The following PEAK1 variants were observed in gnomAD, a reference collection of about 807,000 sequenced individuals.
PEAK1 encodes the protein inactive tyrosine-protein kinase PEAK1.
Under a neutral mutation model 124.7 loss-of-function variants are expected in PEAK1, and 54 were observed. That is an observed-to-expected ratio of 0.43 (90% CI 0.35 to 0.54). The LOEUF is 0.54. PEAK1 is among the 20% of genes least tolerant of loss of function. The pLI is 0.01. For synonymous variants in PEAK1, 719 were observed against 760.0 expected (o/e 0.95, Z 0.89); for missense variants, 2,046 against 2,134.5 (o/e 0.96, Z 0.82).
chr15:77,132,006 C>T (rs749199068), intron 9 of PEAK1, among the ~76,000 whole-genome samples: 2 of 152,118 alleles, frequency 1.3e-5, no homozygotes, highest in Admixed American at 1.3e-4. Context: ...AAAAAAAAGA[C>T]AGAAACATGC....
chr15:77,148,406 C>G (rs142889564), intron 8 of PEAK1, among the ~76,000 whole-genome samples: 2 of 152,122 alleles, frequency 1.3e-5, no homozygotes, highest in Admixed American at 6.5e-5. Context: ...ACTGGATCTG[C>G]ACAGCTGTCA....
intron 2 of PEAK1, among the ~76,000 whole-genome samples, chr15:77,296,217 G>A (rs2063479002): frequency 6.6e-6 from 1 of 152,166 alleles, no homozygotes; most frequent in Non-Finnish European, 1.5e-5. Context: ...TTTGGCTCAT[G>A]AATTACCCTT....
chr15:77,274,103 C>T (rs1380107287), intron 5 of PEAK1, among the ~76,000 whole-genome samples: 1 of 152,090 alleles, frequency 6.6e-6, no homozygotes, highest in Non-Finnish European at 1.5e-5. Context: ...ATCCTCATCT[C>T]TCACCTTATA....
In PEAK1 at chr15:77,283,895, G is replaced by A; in HGVS notation, c.-287C>T. 3 of 981,182 alleles carry A rather than the reference G, an allele frequency of 3.1e-6. No homozygotes were observed. Among genetic ancestry groups the A allele is most frequent in the Non-Finnish European group, 3.6e-6 (3 of 826,108 alleles). The allele number at this position is 981,182 out of a possible 1,614,324, so 60.8% of individuals were successfully genotyped here. A position where few individuals can be genotyped will look rare whatever the true frequency, so the allele number is the denominator to read the frequency against. On this transcript the variant is annotated 5_prime_UTR_variant, in exon 5 of 10. Transcript: ENST00000682557. ...GCCACTTCCTTACCTCTTTGTTACT[G>A]TTATTTATATAGCTGTAGTCATTAC... is the stretch of plus-strand genomic sequence containing the variant.
chr15:77,373,437 A>G (rs1170183220), intron 1 of PEAK1, among the ~76,000 whole-genome samples: 1 of 151,910 alleles, frequency 6.6e-6, no homozygotes, highest in Admixed American at 6.5e-5. Context: ...CAATGACTGA[A>G]CACCTCTTGG....
intron 8 of PEAK1, among the ~76,000 whole-genome samples, chr15:77,134,321 G>A (rs1420711795): frequency 6.6e-6 from 1 of 152,128 alleles, no homozygotes; most frequent in East Asian, 1.9e-4. Context: ...AATTTCAAAA[G>A]CCATGCTATT....
In PEAK1 at chr15:77,139,814, T is replaced by C. The variant is rs571130805; in HGVS notation, c.3332-6064A>G. Among the ~76,000 whole-genome samples, 119 of 151,820 alleles carry C rather than the reference T, an allele frequency of 7.8e-4. 1 individual carries two copies. The highest frequency in any genetic ancestry group is 9.6e-4 in the Non-Finnish European group (65 of 67,968). Reference sequence around the variant, plus strand: ...ACAACAACACACATATATATACACATATAATATATATATAAATTGTGTCTA... The same window carrying C: ...ACAACAACACACATATATATACACACATAATATATATATAAATTGTGTCTA... On this transcript the variant is annotated intron_variant, in intron 8 of 9. Transcript: ENST00000682557.
At chr15:77,268,305 T>C (rs1165666620) in intron 5 of PEAK1, among the ~76,000 whole-genome samples, 1 of 152,110 alleles carries the variant, frequency 6.6e-6, no homozygotes, top group African/African-American at 2.4e-5. Flanking sequence ...TGAAACCCCA[T>C]CTCTCCTAAA....
intron 5 of PEAK1, among the ~76,000 whole-genome samples, chr15:77,263,641 A>C (rs1356569449): frequency 6.6e-6 from 1 of 152,198 alleles, no homozygotes; most frequent in Non-Finnish European, 1.5e-5. Flanking sequence ...AAAGGCCAGG[A>C]CCAGATGGAT....
intron 7 of PEAK1, among the ~76,000 whole-genome samples, chr15:77,166,432 G>C (rs1279801053): frequency 6.6e-6 from 1 of 152,164 alleles, no homozygotes; most frequent in Non-Finnish European, 1.5e-5. Context: ...GTGATTCTTT[G>C]TTGTGGAGGG....
At chr15:77,150,934 C>G (rs2054571934) in intron 8 of PEAK1, among the ~76,000 whole-genome samples, 1 of 152,048 alleles carries the variant, frequency 6.6e-6, no homozygotes, top group African/African-American at 2.4e-5. Flanking sequence ...TGGGTTGGTT[C>G]CAAGTCTTTG....
intron 2 of PEAK1, among the ~76,000 whole-genome samples, chr15:77,313,656 G>GTA (rs2064639349): frequency 2.1e-5 from 2 of 93,160 alleles, no homozygotes; most frequent in African/African-American, 6.7e-5. Flanking sequence ...GTATGTATGT[G>GTA]TGTGTGTGTG....
At chr15:77,402,452 C>A in intron 1 of PEAK1, 1 of 984,784 alleles carries the variant, frequency 1.0e-6, no homozygotes, top group Non-Finnish European at 1.2e-6. Flanking sequence ...CACTGCATAT[C>A]TTTTAGTAAT....
Position 77,224,274 on chromosome 15 carries a change from G to A in PEAK1, c.-115+28093C>T, listed in dbSNP as rs117179734. ...ATTCTTAACATTCCATAACAAAAAGGGCTGAAAAAAGGTTGGTTCACACAG... is the reference window on the plus strand; with the variant it reads ...ATTCTTAACATTCCATAACAAAAAGAGCTGAAAAAAGGTTGGTTCACACAG... On this transcript the variant is annotated intron_variant, in intron 6 of 9. Transcript: ENST00000682557. Among the ~76,000 whole-genome samples the A allele has an allele frequency of 5.9e-5, 9 of 151,650 alleles. No individual in the cohort carries two copies. The South Asian group carries it at 6.2e-4, about 11-fold the overall frequency.
chr15:77,280,157 A>G (rs1173542970), intron 5 of PEAK1, among the ~76,000 whole-genome samples: 1 of 152,156 alleles, frequency 6.6e-6, no homozygotes, highest in Non-Finnish European at 1.5e-5. Flanking sequence ...CCTGGCCAAC[A>G]TGGTGAAATC....
chr15:77,223,954 T>C (rs1010508918), intron 6 of PEAK1, among the ~76,000 whole-genome samples: 1 of 150,492 alleles, frequency 6.6e-6, no homozygotes, highest in Non-Finnish European at 1.5e-5. Flanking sequence ...AACACTCATA[T>C]GGAACAACAA....
rs1188018867 is a variant in PEAK1, at chr15:77,181,415, T to C, written c.512A>G (p.Asn171Ser). The C allele has an allele frequency of 6.2e-7, 1 of 1,614,138 alleles. No individual in the cohort carries two copies. The highest frequency in any genetic ancestry group is 1.1e-5 in the South Asian group (1 of 91,074). The change falls in exon 7 of 10, where the codon AAC (asparagine) becomes AGC (serine). Residue 171 changes from asparagine to serine, a missense_variant. By Grantham distance (46) the Asn-to-Ser change is conservative. Coordinates refer to ENST00000682557, the MANE Select transcript of PEAK1 (RefSeq NM_001385026.1). The part of the protein sequence containing the change: ...TAPQIRGNET[N>S]SRETFLGRIN... ...TCTTCCCAAGAATGTTTCTCTGGAG[T>C]TTGTTTCATTTCCTCTTATCTGAGG...
chr15:77,260,721 C>T (rs1029747269), intron 5 of PEAK1, among the ~76,000 whole-genome samples: 4 of 152,138 alleles, frequency 2.6e-5, no homozygotes, highest in Admixed American at 6.6e-5. Context: ...CCAGCGTGAG[C>T]GACACAGAAG....
intron 5 of PEAK1, among the ~76,000 whole-genome samples, chr15:77,268,156 A>G (rs2061837690): frequency 6.6e-6 from 1 of 152,206 alleles, no homozygotes; most frequent in Non-Finnish European, 1.5e-5. Context: ...AATCTGATAA[A>G]GACAAAGAAG....
Sources: allele counts gnomAD v4.1 joint callset (sites outside exome capture counted in the v4.1 genomes callset), GRCh38; gene constraint gnomAD v4.1.1; transcripts MANE v1.5; gene names NCBI Gene and HGNC (gene_info 2026-07-23, HGNC 2026-07-21).